Variants in CACNA1C observed in about 807,000 individuals in gnomAD.
CACNA1C encodes the protein voltage-dependent L-type calcium channel subunit alpha-1C.
In CACNA1C, 30 loss-of-function variants were observed where a neutral mutation model predicts 229.0. The observed-to-expected ratio is 0.13, with a 90% CI of 0.10 to 0.18. The LOEUF (loss-of-function observed/expected upper bound fraction) is 0.18. Ranked by LOEUF, CACNA1C falls within the 10% of genes least tolerant of loss-of-function variation. CACNA1C has a pLI of 1.00. For synonymous variants in CACNA1C, 1,114 were observed against 1,132.5 expected (o/e 0.98, Z 0.33); for missense variants, 1,658 against 2,845.0 (o/e 0.58, Z 9.49).
At chr12:2,450,350 C>A (rs10848657) in intron 4 of CACNA1C, among the ~76,000 whole-genome samples, 12 of 151,712 alleles carry the variant, frequency 7.9e-5, no homozygotes, top group African/African-American at 1.5e-4. Flanking sequence ...GTCAGGAGAT[C>A]GAGACCATCC....
At chr12:2,685,936 A>G (rs2097441216) in intron 44 of CACNA1C, 94 bp downstream of exon 44, 1 of 971,074 alleles carries the variant, frequency 1.0e-6, no homozygotes, top group Admixed American at 2.0e-5. Context: ...GGCCTGCCTC[A>G]AATCAGCCCC....
chr12:2,684,052 G>A (rs1401441377), intron 43 of CACNA1C, among the ~76,000 whole-genome samples: 1 of 152,230 alleles, frequency 6.6e-6, no homozygotes, highest in African/African-American at 2.4e-5. Context: ...GTGGCTGGAG[G>A]TGGTGGGAGG....
chr12:2,291,329 C>G lies in CACNA1C; in HGVS notation c.478-157647C>G, dbSNP rs551976787. On this transcript the variant is annotated intron_variant, in intron 3 of 46. Transcript: ENST00000399655. ...AATGGAACCCAGACGGATATTTGCT[C>G]AAGGGCCCCTGGCTTCTCAAGGGCC... is the stretch of plus-strand genomic sequence containing the variant. Among the ~76,000 whole-genome samples the G allele has an allele frequency of 2.6e-5, 4 of 152,286 alleles. 1 individual carries two copies. The East Asian group carries it at 7.7e-4, about 29-fold the overall frequency.
intron 3 of CACNA1C, among the ~76,000 whole-genome samples, chr12:2,290,129 G>A (rs116698755): frequency 6.6e-5 from 10 of 152,150 alleles, no homozygotes; most frequent in Non-Finnish European, 1.3e-4. Context: ...AACTGCCCTC[G>A]CTCTGAAGAT....
intron 3 of CACNA1C, among the ~76,000 whole-genome samples, chr12:2,372,232 C>A (rs2097888493): frequency 6.6e-6 from 1 of 152,214 alleles, no homozygotes; most frequent in African/African-American, 2.4e-5. Flanking sequence ...TCGTCATCTC[C>A]ATTCAAAGTA....
At chr12:2,334,617 C>T (rs1023239496) in intron 3 of CACNA1C, among the ~76,000 whole-genome samples, 7 of 152,162 alleles carry the variant, frequency 4.6e-5, no homozygotes, top group Non-Finnish European at 1.0e-4. Flanking sequence ...CCGGCCTGGA[C>T]TACATAGTGA....
At chr12:2,256,870 C>T (rs1053088876) in intron 3 of CACNA1C, among the ~76,000 whole-genome samples, 3 of 152,176 alleles carry the variant, frequency 2.0e-5, no homozygotes, top group African/African-American at 7.2e-5. Flanking sequence ...AACCAGCATG[C>T]TACCTTTTAA....
At chr12:2,302,251 G>A (rs990263943) in intron 3 of CACNA1C, among the ~76,000 whole-genome samples, 3 of 151,860 alleles carry the variant, frequency 2.0e-5, no homozygotes, top group South Asian at 2.1e-4. Flanking sequence ...TGGGACTTTC[G>A]GATGGAGGAT....
rs1017038933 is a variant in CACNA1C, at chr12:2,376,379, CT to C, written c.478-72596del. On this transcript the variant is annotated intron_variant, in intron 3 of 46. Coordinates refer to ENST00000399655, the MANE Select transcript of CACNA1C (RefSeq NM_000719.7). ...ATAAACTACAACTGGATGATGCCCC[CT>C]GAGTACCTGTGCTTGAGGAGGGGGG... 5.3e-5 allele frequency among the ~76,000 whole-genome samples: 8 copies of C among 152,240 alleles called. No individual in the cohort carries two copies. In the South Asian group the frequency reaches 6.2e-4, roughly 12 times the overall value.
At position 2,181,712 on chromosome 12, in the gene CACNA1C, T is replaced by C. The variant is rs558711183; in HGVS notation, c.477+61282T>C. On this transcript the variant is annotated intron_variant, in intron 3 of 46. Coordinates refer to ENST00000399655, the MANE Select transcript of CACNA1C (RefSeq NM_000719.7). The surrounding 1 kb of genome is among the most constrained non-coding windows in gnomAD (Gnocchi z 4.0). ...GGCCAGGGGACCCACATCCACGATA[T>C]CGTTTTTTTACAGCTCATTACTGAA... Among the ~76,000 whole-genome samples, 16 of 152,218 alleles carry C rather than the reference T, an allele frequency of 1.1e-4. No homozygotes were observed. The South Asian group carries it at 2.5e-3, about 24-fold the overall frequency.
intron 1 of CACNA1C, among the ~76,000 whole-genome samples, chr12:2,036,222 G>A (rs2049113497): frequency 1.3e-5 from 2 of 152,314 alleles, no homozygotes; most frequent in South Asian, 4.1e-4. Flanking sequence ...CGTAGACCTA[G>A]TCCAGAAAGC....
chr12:2,635,501 G>A (rs1699441716), intron 30 of CACNA1C, among the ~76,000 whole-genome samples: 1 of 152,126 alleles, frequency 6.6e-6, no homozygotes, highest in Non-Finnish European at 1.5e-5. Context: ...GATCTAAGAT[G>A]TTTGGAACTA....
At chr12:2,144,691 T>A (rs2094555163) in intron 3 of CACNA1C, among the ~76,000 whole-genome samples, 1 of 151,504 alleles carries the variant, frequency 6.6e-6, no homozygotes, top group Non-Finnish European at 1.5e-5. Flanking sequence ...ATCACTGTAT[T>A]TCATGGAAGC....
intron 3 of CACNA1C, among the ~76,000 whole-genome samples, chr12:2,270,532 C>T (rs567149578): frequency 2.6e-4 from 39 of 152,254 alleles, no homozygotes; most frequent in African/African-American, 9.4e-4. Context: ...AGTGAGAGAA[C>T]ACGAGTAGTC....
chr12:2,666,590 A>T lies in CACNA1C; in HGVS notation c.4527-96A>T. On this transcript the variant is annotated intron_variant, in intron 36 of 46. Coordinates refer to ENST00000399655, the MANE Select transcript of CACNA1C (RefSeq NM_000719.7). This position sits in a 1 kb window ranked among gnomAD's most constrained non-coding sequence, Gnocchi z 5.3. ...TACCACACTGTGCAGTGTTGCCCAT[A>T]TGAGTGGGCCCTACCCCTCAGGCGC... 2 of 700,192 alleles carry T rather than the reference A, an allele frequency of 2.9e-6. No homozygotes were observed. The highest frequency in any genetic ancestry group is 3.4e-5 in the South Asian group (2 of 58,420). 43.4% of individuals were successfully genotyped at this position (700,192 alleles called of 1,614,324 possible).
At chr12:2,402,707 C>T (rs973667587) in intron 3 of CACNA1C, among the ~76,000 whole-genome samples, 3 of 152,174 alleles carry the variant, frequency 2.0e-5, no homozygotes, top group South Asian at 2.1e-4. Flanking sequence ...AGCCTTGCAT[C>T]GCCATTCAGC....
chr12:2,503,425 T>C lies in CACNA1C; in HGVS notation c.1114-1417T>C, dbSNP rs114341679. ...TCAGAAGGCATCAGAAGAGATAGCT[T>C]TGAGAAACTAAATCAGAATAAATTT... is the stretch of plus-strand genomic sequence containing the variant. On this transcript the variant is annotated intron_variant, in intron 7 of 46. Coordinates refer to ENST00000399655, the MANE Select transcript of CACNA1C (RefSeq NM_000719.7). 5.4e-3 allele frequency among the ~76,000 whole-genome samples: 826 copies of C among 152,358 alleles called. 10 individuals are homozygous for C. Among genetic ancestry groups the C allele is most frequent in the African/African-American group, 0.019 (781 of 41,582 alleles).
chr12:2,205,044 G>C (rs2097715131), intron 3 of CACNA1C, among the ~76,000 whole-genome samples: 1 of 152,116 alleles, frequency 6.6e-6, no homozygotes, highest in Admixed American at 6.5e-5. Context: ...CCCTTCCCAG[G>C]GAGAGGGTCT....
At chr12:2,369,565 AT>A (rs1208932637) in intron 3 of CACNA1C, among the ~76,000 whole-genome samples, 6 of 149,236 alleles carry the variant, frequency 4.0e-5, no homozygotes, top group East Asian at 2.0e-4. Flanking sequence ...CAACCAGCTA[AT>A]TTTTTTTTTG....
Sources: allele counts gnomAD v4.1 joint callset (sites outside exome capture counted in the v4.1 genomes callset), GRCh38; gene constraint gnomAD v4.1.1; non-coding constraint Gnocchi (gnomAD v3.1); transcripts MANE v1.5; gene names NCBI Gene and HGNC (gene_info 2026-07-23, HGNC 2026-07-21).